SND1: variants seen among roughly 807,000 people sequenced by gnomAD.
SND1 encodes staphylococcal nuclease and tudor domain containing 1.
In SND1, 38 loss-of-function variants were observed where a neutral mutation model predicts 121.7. That is an observed-to-expected ratio of 0.31 (90% CI 0.24 to 0.41). The LOEUF (loss-of-function observed/expected upper bound fraction) is 0.41. Among genes scored for constraint, SND1 ranks in the 10% least tolerant of loss-of-function variants. The pLI is 1.00. For missense variants in SND1, 868 were observed against 1,184.6 expected, an observed-to-expected ratio of 0.73 and a Z score of 3.92; for synonymous variants, 401 against 447.4, an observed-to-expected ratio of 0.90 and a Z score of 1.31.
intron 15 of SND1, among the ~76,000 whole-genome samples, chr7:127,929,878 G>A (rs973609370): frequency 2.0e-5 from 3 of 152,154 alleles, no homozygotes; most frequent in East Asian, 1.9e-4. Context: ...TAAGGTTGAC[G>A]TGCTAAGGCA....
intron 10 of SND1, among the ~76,000 whole-genome samples, chr7:127,751,461 G>A (rs564515972): frequency 1.6e-4 from 25 of 152,272 alleles, no homozygotes; most frequent in African/African-American, 5.8e-4. Flanking sequence ...TGCCCATTTA[G>A]CAGACTCTCT....
At chr7:127,658,572 C>T (rs114310331) in intron 1 of SND1, among the ~76,000 whole-genome samples, 3,341 of 152,320 alleles carry the variant, frequency 0.022, 64 homozygotes, top group South Asian at 0.049. Flanking sequence ...GAATTTACTG[C>T]TGCTCTGGCC....
intron 14 of SND1, among the ~76,000 whole-genome samples, chr7:127,909,358 T>G (rs1350961378): frequency 6.6e-6 from 1 of 152,176 alleles, no homozygotes; most frequent in East Asian, 1.9e-4. Flanking sequence ...TTTAATCACA[T>G]CATGGCTTGG....
At chr7:127,823,267 A>G (rs528237177) in intron 11 of SND1, among the ~76,000 whole-genome samples, 68 of 152,224 alleles carry the variant, frequency 4.5e-4, no homozygotes, top group African/African-American at 1.6e-3. Context: ...ATTACAGTCT[A>G]TTGCGTGTCC....
intron 15 of SND1, among the ~76,000 whole-genome samples, chr7:127,935,465 G>A (rs1031814508): frequency 6.6e-6 from 1 of 152,162 alleles, no homozygotes; most frequent in African/African-American, 2.4e-5. Flanking sequence ...TTATCCTGGG[G>A]AACATGAGGT....
At chr7:127,898,878 G>C (rs1206963409) in intron 13 of SND1, among the ~76,000 whole-genome samples, 1 of 152,104 alleles carries the variant, frequency 6.6e-6, no homozygotes, top group Non-Finnish European at 1.5e-5. Flanking sequence ...TTCTGTTTCT[G>C]CTCAGAGGCC....
At chr7:127,873,056 T>G (rs918308084) in intron 12 of SND1, among the ~76,000 whole-genome samples, 7 of 152,190 alleles carry the variant, frequency 4.6e-5, no homozygotes, top group Admixed American at 2.0e-4. Flanking sequence ...TCATCTCTTA[T>G]ATATTCCACC....
chr7:127,776,649 T>G (rs1797625347), intron 10 of SND1, among the ~76,000 whole-genome samples: 2 of 152,178 alleles, frequency 1.3e-5, no homozygotes, highest in Non-Finnish European at 2.9e-5. Context: ...CCTGTATATA[T>G]AGGTGTAGTT....
rs1432871754 is a variant in SND1, at chr7:127,987,475, G to A, written c.1670-3472G>A. ...GCTTCATCTGGCTTTCAGCAGCAAC[G>A]ACAACTGACTTTTTGGCTCAGAATG... On this transcript the variant is annotated intron_variant, in intron 15 of 23. Coordinates refer to ENST00000354725, the MANE Select transcript of SND1 (RefSeq NM_014390.4). Among the ~76,000 whole-genome samples, 5 of 152,172 alleles carry A rather than the reference G, an allele frequency of 3.3e-5. No individual in the cohort carries two copies. In the South Asian group the frequency reaches 8.3e-4, roughly 25 times the overall value.
chr7:127,981,078 G>A (rs1357300543), intron 15 of SND1, among the ~76,000 whole-genome samples: 2 of 152,178 alleles, frequency 1.3e-5, no homozygotes, highest in African/African-American at 2.4e-5. Context: ...TTGCTCAGAC[G>A]TAGCATTTGT....
At position 128,015,142 on chromosome 7, in the gene SND1, G is replaced by C. The variant is rs1020139176; in HGVS notation, c.1779+24086G>C. ...GCCAACCTTGATTCACAGTAGTGCA[G>C]ATGGCCCCAGCCATACCCAGGGATG... On this transcript the variant is annotated intron_variant, in intron 16 of 23. Transcript: ENST00000354725. This position sits in a 1 kb window ranked among gnomAD's most constrained non-coding sequence, Gnocchi z 4.5. Among the ~76,000 whole-genome samples the C allele has an allele frequency of 1.3e-5, 2 of 152,168 alleles. No individual in the cohort carries two copies. Among genetic ancestry groups the C allele is most frequent in the African/African-American group, 4.8e-5 (2 of 41,430 alleles).
At chr7:127,764,445 T>A (rs1797373827) in intron 10 of SND1, among the ~76,000 whole-genome samples, 1 of 152,190 alleles carries the variant, frequency 6.6e-6, no homozygotes, top group Non-Finnish European at 1.5e-5. Flanking sequence ...AACTCCATGC[T>A]CATTAAGTTT....
chr7:127,660,720 T>C (rs1795293817), intron 1 of SND1, among the ~76,000 whole-genome samples: 1 of 152,334 alleles, frequency 6.6e-6, no homozygotes, highest in African/African-American at 2.4e-5. Flanking sequence ...TGTATAGGAA[T>C]CATTTTAATC....
chr7:127,945,598 G>T (rs753681517), intron 15 of SND1, among the ~76,000 whole-genome samples: 4 of 152,142 alleles, frequency 2.6e-5, no homozygotes, highest in Non-Finnish European at 5.9e-5. Flanking sequence ...ACCAAACTGG[G>T]TGTCTCTCAG....
chr7:127,815,092 C>G (rs1435658755), intron 11 of SND1, among the ~76,000 whole-genome samples: 1 of 152,028 alleles, frequency 6.6e-6, no homozygotes. Context: ...TAAGGTATCC[C>G]TAAAGTGTAA....
chr7:128,015,025 G>C lies in SND1; in HGVS notation c.1779+23969G>C, dbSNP rs762390376. Among the ~76,000 whole-genome samples, 31 of 152,230 alleles carry C rather than the reference G, an allele frequency of 2.0e-4. No homozygotes were observed. The highest frequency in any genetic ancestry group is 3.2e-4 in the Non-Finnish European group (22 of 68,048). On this transcript the variant is annotated intron_variant, in intron 16 of 23. Coordinates refer to ENST00000354725, the MANE Select transcript of SND1 (RefSeq NM_014390.4). This position sits in a 1 kb window ranked among gnomAD's most constrained non-coding sequence, Gnocchi z 4.5. Reference sequence around the variant, plus strand: ...TCGTGCTCTGCCTACTTGGCTGGCTGTTCTTGCACTTGAGCGGCTTGTTTG... The same window carrying C: ...TCGTGCTCTGCCTACTTGGCTGGCTCTTCTTGCACTTGAGCGGCTTGTTTG...
At chr7:128,066,786 C>A (rs1252596664) in intron 16 of SND1, among the ~76,000 whole-genome samples, 1 of 152,146 alleles carries the variant, frequency 6.6e-6, no homozygotes, top group Non-Finnish European at 1.5e-5. Context: ...CTTCACGCAG[C>A]ATCAGTGATG....
chr7:127,769,633 G>A (rs914025081), intron 10 of SND1, among the ~76,000 whole-genome samples: 2 of 151,546 alleles, frequency 1.3e-5, no homozygotes, highest in East Asian at 1.9e-4. Flanking sequence ...GGGCTTCTTC[G>A]AAATTTCTTT....
At chr7:127,686,880 A>G in intron 2 of SND1, 118 bp downstream of exon 2, 1 of 1,159,744 alleles carries the variant, frequency 8.6e-7, no homozygotes, top group Non-Finnish European at 1.2e-6. Flanking sequence ...TTTATATCAT[A>G]GAACTGCTGA....
Sources: allele counts gnomAD v4.1 joint callset (sites outside exome capture counted in the v4.1 genomes callset), GRCh38; gene constraint gnomAD v4.1.1; non-coding constraint Gnocchi (gnomAD v3.1); transcripts MANE v1.5; gene names NCBI Gene and HGNC (gene_info 2026-07-23, HGNC 2026-07-21).